The following ZSWIM5 variants were observed in gnomAD, a reference collection of about 807,000 sequenced individuals.
ZSWIM5 encodes zinc finger SWIM-type containing 5, also known as zinc finger SWIM domain-containing protein 5.
A neutral mutation model predicts 119.6 loss-of-function variants in ZSWIM5; 55 were observed. The observed-to-expected ratio is 0.46, with a 90% confidence interval of 0.37 to 0.58. The LOEUF is 0.58. ZSWIM5 is among the 20% of genes least tolerant of loss of function. ZSWIM5 has a pLI of 0.00. For missense variants in ZSWIM5, 1,193 were observed against 1,512.8 expected (o/e 0.79, Z 3.51); for synonymous variants, 537 against 606.9 (o/e 0.88, Z 1.69).
At chr1:45,098,986 G>A (rs1048076187) in intron 1 of ZSWIM5, among the ~76,000 whole-genome samples, 1 of 152,132 alleles carries the variant, frequency 6.6e-6, no homozygotes, top group Non-Finnish European at 1.5e-5. Context: ...ACAATTAAAA[G>A]AACTAGAGAA....
Position 45,162,806 on chromosome 1 carries a change from A to G in ZSWIM5, c.595+42950T>C, listed in dbSNP as rs550144899. Among the ~76,000 whole-genome samples, 31 of 152,346 alleles carry G rather than the reference A, an allele frequency of 2.0e-4. No individual in the cohort carries two copies. The South Asian group carries it at 5.8e-3, about 28-fold the overall frequency. On this transcript the variant is annotated intron_variant, in intron 1 of 13. Coordinates refer to ENST00000359600, the MANE Select transcript of ZSWIM5 (RefSeq NM_020883.2). ...CGCCATTGCTGAGGCTTGAGCAGGT[A>G]AGCAAAGCTGCCAGGAAGCTCAAAC...
chr1:45,153,389 A>T (rs1263437438), intron 1 of ZSWIM5, among the ~76,000 whole-genome samples: 1 of 151,620 alleles, frequency 6.6e-6, no homozygotes, highest in Non-Finnish European at 1.5e-5. Flanking sequence ...GCCTGTAGTC[A>T]CCACTACTCA....
In ZSWIM5 at chr1:45,195,830, A is replaced by G. The variant is rs185719720; in HGVS notation, c.595+9926T>C. On this transcript the variant is annotated intron_variant, in intron 1 of 13. Coordinates refer to ENST00000359600, the MANE Select transcript of ZSWIM5 (RefSeq NM_020883.2). ...TGTTTTGACTGCCAACAACAGGTTC[A>G]GAAACAATGATAACACTAATAAAGG... Among the ~76,000 whole-genome samples, 166 of 152,018 alleles carry G rather than the reference A, an allele frequency of 1.1e-3. 1 individual carries two copies. Among genetic ancestry groups the G allele is most frequent in the Non-Finnish European group, 1.9e-3 (128 of 67,984 alleles).
At chr1:45,094,467 G>A (rs1261316534) in intron 1 of ZSWIM5, among the ~76,000 whole-genome samples, 2 of 152,198 alleles carry the variant, frequency 1.3e-5, no homozygotes, top group African/African-American at 4.8e-5. Flanking sequence ...TACTGGCTGG[G>A]TGTGGTGGCT....
At chr1:45,154,498 C>T (rs568008040) in intron 1 of ZSWIM5, among the ~76,000 whole-genome samples, 1 of 152,258 alleles carries the variant, frequency 6.6e-6, no homozygotes, top group African/African-American at 2.4e-5. Flanking sequence ...GAGGAAAGGA[C>T]ACCCTACTCA....
At chr1:45,126,139 G>GA (rs1359621149) in intron 1 of ZSWIM5, among the ~76,000 whole-genome samples, 1 of 148,434 alleles carries the variant, frequency 6.7e-6, no homozygotes, top group Non-Finnish European at 1.5e-5. Flanking sequence ...AGTTCCACCT[G>GA]AAAAATCTAG....
At chr1:45,087,645 C>T (rs1290145700) in intron 2 of ZSWIM5, among the ~76,000 whole-genome samples, 2 of 152,218 alleles carry the variant, frequency 1.3e-5, no homozygotes, top group Admixed American at 1.3e-4. Flanking sequence ...CTATCATTCT[C>T]TGTTCTTTTT....
At chr1:45,029,477 G>C (rs144052284) in intron 11 of ZSWIM5, among the ~76,000 whole-genome samples, 2 of 152,282 alleles carry the variant, frequency 1.3e-5, no homozygotes, top group African/African-American at 4.8e-5. Flanking sequence ...CATTTCTGAT[G>C]ATATTAACTG....
At chr1:45,161,935 C>A (rs1379875718) in intron 1 of ZSWIM5, among the ~76,000 whole-genome samples, 1 of 152,190 alleles carries the variant, frequency 6.6e-6, no homozygotes, top group Non-Finnish European at 1.5e-5. Flanking sequence ...CTGAAATTAT[C>A]TATTCAATCC....
rs1182788720 is a variant in ZSWIM5 at position 45,016,797 on chromosome 1, G to GCTAC, written c.*1653_*1656dup. 1 of 152,164 alleles carries GCTAC rather than the reference G, an allele frequency of 6.6e-6. No individual in the cohort carries two copies. The highest frequency in any genetic ancestry group is 1.5e-5 in the Non-Finnish European group (1 of 68,040). 9.4% of individuals were successfully genotyped at this position (152,164 alleles called of 1,614,324 possible). A position where few individuals can be genotyped will look rare whatever the true frequency, so the allele number is the denominator to read the frequency against. Reference sequence around the variant, plus strand: ...CCAACTGACTTTTCTGAGTGCCCTTGCTACCTCCTATAACAATTCCAGGCT... The same window carrying GCTAC: ...CCAACTGACTTTTCTGAGTGCCCTTGCTACCTACCTCCTATAACAATTCCAGGCT... On this transcript the variant is annotated 3_prime_UTR_variant, in exon 14 of 14. Coordinates refer to ENST00000359600, the MANE Select transcript of ZSWIM5 (RefSeq NM_020883.2).
chr1:45,202,623 A>C (rs909605952), intron 1 of ZSWIM5, among the ~76,000 whole-genome samples: 1 of 152,066 alleles, frequency 6.6e-6, no homozygotes, highest in African/African-American at 2.4e-5. Flanking sequence ...ATACGTACAT[A>C]ACTAAGATGT....
intron 1 of ZSWIM5, among the ~76,000 whole-genome samples, chr1:45,125,768 A>C (rs78496263): frequency 2.0e-5 from 3 of 150,542 alleles, no homozygotes; most frequent in African/African-American, 4.9e-5. Context: ...CGTTTCACAA[A>C]AAAAAAAAAA....
intron 5 of ZSWIM5, among the ~76,000 whole-genome samples, chr1:45,047,242 G>T (rs141378226): frequency 7.6e-4 from 115 of 152,124 alleles, no homozygotes; most frequent in African/African-American, 2.7e-3. Flanking sequence ...AGTATCAGTT[G>T]AGAACAACTA....
At chr1:45,063,064 A>G (rs1645162640) in intron 2 of ZSWIM5, among the ~76,000 whole-genome samples, 1 of 152,184 alleles carries the variant, frequency 6.6e-6, no homozygotes, top group Admixed American at 6.5e-5. Flanking sequence ...ATAAGTGAGA[A>G]CATGTGGTAT....
rs557288365 is a variant in ZSWIM5 at position 45,183,890 on chromosome 1, C to T, written c.595+21866G>A. 3.3e-3 allele frequency among the ~76,000 whole-genome samples: 504 copies of T among 152,320 alleles called. 4 individuals carry two copies. The highest frequency in any genetic ancestry group is 0.011 in the African/African-American group (464 of 41,576). On this transcript the variant is annotated intron_variant, in intron 1 of 13. Transcript: ENST00000359600. ...TAGAAAAAGAGGGAATCCTCCCTAA[C>T]TCATTTTATGAGGCCAGCATCATCC...
chr1:45,166,739 A>C (rs1251731116), intron 1 of ZSWIM5, among the ~76,000 whole-genome samples: 2 of 152,144 alleles, frequency 1.3e-5, no homozygotes, highest in African/African-American at 4.8e-5. Flanking sequence ...AAAGAGAATA[A>C]AATACCTAGG....
intron 11 of ZSWIM5, among the ~76,000 whole-genome samples, chr1:45,022,953 C>T (rs189982567): frequency 1.1e-3 from 166 of 152,248 alleles, no homozygotes; most frequent in Admixed American, 9.5e-3. Flanking sequence ...CTTTTTGGAA[C>T]ACTGAGGAGT....
intron 1 of ZSWIM5, among the ~76,000 whole-genome samples, chr1:45,178,536 A>G (rs1570185481): frequency 6.6e-6 from 1 of 152,164 alleles, no homozygotes; most frequent in Non-Finnish European, 1.5e-5. Flanking sequence ...GGAGTTTACC[A>G]CTTTCCTATT....
chr1:45,033,488 T>C (rs1039675416), intron 11 of ZSWIM5, among the ~76,000 whole-genome samples: 22 of 152,194 alleles, frequency 1.4e-4, no homozygotes, highest in African/African-American at 5.1e-4. Context: ...CCTTCTTATA[T>C]AGGGGCTTAC....
Sources: allele counts gnomAD v4.1 joint callset (sites outside exome capture counted in the v4.1 genomes callset), GRCh38; gene constraint gnomAD v4.1.1; transcripts MANE v1.5; gene names NCBI Gene and HGNC (gene_info 2026-07-23, HGNC 2026-07-21).